Variants in ADGRL2 observed in about 807,000 individuals in gnomAD.
The protein encoded by ADGRL2 is adhesion G protein-coupled receptor L2, also known as calcium-independent alpha-latrotoxin receptor 2.
A neutral mutation model predicts 157.4 loss-of-function variants in ADGRL2; 44 were observed. The ratio of observed to expected loss-of-function variants is 0.28; its 90% CI spans 0.22 to 0.36. The LOEUF is 0.36. Ranked by LOEUF, ADGRL2 falls within the 10% of genes least tolerant of loss-of-function variation. The probability of loss-of-function intolerance (pLI) is 1.00; values close to 1 mark genes in which losing one functional copy is unlikely to be tolerated. For synonymous variants in ADGRL2, 585 were observed against 624.7 expected (o/e 0.94, Z 0.95); for missense variants, 1,510 against 1,768.9 (o/e 0.85, Z 2.63).
At chr1:81,673,740 AT>A (rs2082925123) in intron 3 of ADGRL2, among the ~76,000 whole-genome samples, 1 of 151,962 alleles carries the variant, frequency 6.6e-6, no homozygotes, top group Admixed American at 6.6e-5. Flanking sequence ...GATGGTCTCG[AT>A]CTCCTGACCT....
At chr1:81,343,224 G>A (rs1239798877) in intron 1 of ADGRL2, among the ~76,000 whole-genome samples, 7 of 150,688 alleles carry the variant, frequency 4.6e-5, no homozygotes, top group African/African-American at 1.5e-4. Flanking sequence ...TGAGTAGCTG[G>A]GATTACAGGC....
At chr1:81,884,650 T>G (rs947636784) in intron 2 of ADGRL2, among the ~76,000 whole-genome samples, 6 of 152,164 alleles carry the variant, frequency 3.9e-5, no homozygotes, top group African/African-American at 1.2e-4. Flanking sequence ...CTGTATAAGA[T>G]GGGGAGGTAG....
chr1:81,889,733 C>T (rs1052624856), intron 2 of ADGRL2, among the ~76,000 whole-genome samples: 1 of 152,196 alleles, frequency 6.6e-6, no homozygotes, highest in Non-Finnish European at 1.5e-5. Flanking sequence ...CTCTTCATAG[C>T]TGAAGAGAAG....
At chr1:81,872,113 G>T (rs2093712324) in intron 2 of ADGRL2, among the ~76,000 whole-genome samples, 1 of 152,142 alleles carries the variant, frequency 6.6e-6, no homozygotes, top group African/African-American at 2.4e-5. Flanking sequence ...TTTGTATAAG[G>T]TGTAAGGAAA....
At chr1:81,612,429 G>A (rs1396194704) in intron 3 of ADGRL2, among the ~76,000 whole-genome samples, 1 of 152,152 alleles carries the variant, frequency 6.6e-6, no homozygotes, top group Admixed American at 6.6e-5. Context: ...GATAAGAGGT[G>A]CCGACAAAAG....
At chr1:81,602,636 T>C (rs1209896695) in intron 3 of ADGRL2, among the ~76,000 whole-genome samples, 1 of 148,824 alleles carries the variant, frequency 6.7e-6, no homozygotes, top group Non-Finnish European at 1.5e-5. Context: ...TGGTGGCTCA[T>C]GCCTGTAATC....
chr1:81,524,686 A>T (rs1386648275), intron 2 of ADGRL2, among the ~76,000 whole-genome samples: 1 of 152,214 alleles, frequency 6.6e-6, no homozygotes, highest in African/African-American at 2.4e-5. Context: ...ACAACAACCA[A>T]AAAAACAAGA....
chr1:81,901,584 T>G lies in ADGRL2; in HGVS notation c.74-5433T>G, dbSNP rs284223. 2.5e-3 allele frequency among the ~76,000 whole-genome samples: 374 copies of G among 150,494 alleles called. 7 individuals carry two copies. Among genetic ancestry groups the G allele is most frequent in the African/African-American group, 8.7e-3 (358 of 41,148 alleles). ...AGGATTAAAACATATATATATATAT[T>G]TTTTTTTTTGATGATTTCTTCCCGT... On this transcript the variant is annotated intron_variant, in intron 2 of 23. Coordinates refer to ENST00000686636, the MANE Select transcript of ADGRL2 (RefSeq NM_001366006.2).
At chr1:81,679,532 G>A (rs932010654) in intron 3 of ADGRL2, among the ~76,000 whole-genome samples, 9 of 152,128 alleles carry the variant, frequency 5.9e-5, no homozygotes, top group Non-Finnish European at 8.8e-5. Flanking sequence ...GTGTTGAGCT[G>A]AGAATTAAAA....
intron 1 of ADGRL2, among the ~76,000 whole-genome samples, chr1:81,372,947 A>G (rs1045589017): frequency 1.7e-4 from 26 of 152,174 alleles, no homozygotes; most frequent in African/African-American, 5.1e-4. Context: ...TTTAATGTGC[A>G]TCATCACATT....
At chr1:81,792,511 ATTAT>A (rs1456861559) in intron 2 of ADGRL2, among the ~76,000 whole-genome samples, 2 of 152,198 alleles carry the variant, frequency 1.3e-5, no homozygotes, top group Non-Finnish European at 2.9e-5. Context: ...ATTCAAATAA[ATTAT>A]TTAAATGATT....
At chr1:81,513,839 C>CTGTTGTCT (rs1338323736) in intron 2 of ADGRL2, 1 of 152,130 alleles carries the variant, frequency 6.6e-6, no homozygotes, top group Non-Finnish European at 1.5e-5. Flanking sequence ...CTTTGAAGGA[C>CTGTTGTCT]AGCTCTATAG....
At chr1:81,781,848 A>T (rs961182204) in intron 2 of ADGRL2, among the ~76,000 whole-genome samples, 1 of 152,220 alleles carries the variant, frequency 6.6e-6, no homozygotes, top group African/African-American at 2.4e-5. Flanking sequence ...CTCTGGAAGC[A>T]TTTATATTTC....
At chr1:81,871,565 A>T (rs1038300445) in intron 2 of ADGRL2, among the ~76,000 whole-genome samples, 4 of 152,054 alleles carry the variant, frequency 2.6e-5, no homozygotes, top group African/African-American at 4.8e-5. Flanking sequence ...TGTAAAAGTG[A>T]TCCTATTTCT....
chr1:81,628,262 T>TG (rs2081948315), intron 3 of ADGRL2, among the ~76,000 whole-genome samples: 1 of 152,100 alleles, frequency 6.6e-6, no homozygotes, highest in Admixed American at 6.5e-5. Flanking sequence ...AGTGGAGAAT[T>TG]GAAGATGTTC....
At chr1:81,375,366 G>C (rs2076231808) in intron 1 of ADGRL2, among the ~76,000 whole-genome samples, 1 of 152,044 alleles carries the variant, frequency 6.6e-6, no homozygotes, top group Non-Finnish European at 1.5e-5. Context: ...AATTATGAAG[G>C]GCCGTGAAGT....
intron 17 of ADGRL2, among the ~76,000 whole-genome samples, chr1:81,974,552 C>G (rs1311217553): frequency 1.3e-5 from 2 of 152,106 alleles, no homozygotes; most frequent in Non-Finnish European, 2.9e-5. Flanking sequence ...GTTGCATTTG[C>G]CAGGTAGCAA....
At chr1:81,502,972 A>C in intron 2 of ADGRL2, 1 of 1,613,358 alleles carries the variant, frequency 6.2e-7, no homozygotes. Flanking sequence ...CCCAGTGACA[A>C]CAGTGGCTGT....
At chr1:81,385,640 C>T (rs964961517) in intron 1 of ADGRL2, among the ~76,000 whole-genome samples, 1 of 151,412 alleles carries the variant, frequency 6.6e-6, no homozygotes. Flanking sequence ...AACTGGAATC[C>T]CTGCCCTGGA....
Sources: allele counts gnomAD v4.1 joint callset (sites outside exome capture counted in the v4.1 genomes callset), GRCh38; gene constraint gnomAD v4.1.1; transcripts MANE v1.5; gene names NCBI Gene and HGNC (gene_info 2026-07-23, HGNC 2026-07-21).